TYR: variants seen among roughly 807,000 people sequenced by gnomAD.
TYR encodes the protein tyrosinase.
Under a neutral mutation model 51.5 loss-of-function variants are expected in TYR, and 58 were observed. The observed-to-expected ratio is 1.13, with a 90% confidence interval of 0.91 to 1.40. The LOEUF is 1.40. Among genes scored for constraint, TYR ranks in the 40% most tolerant of loss-of-function variants. The probability of loss-of-function intolerance (pLI) is 0.00; values close to 1 mark genes in which losing one functional copy is unlikely to be tolerated. For synonymous variants in TYR, 263 were observed against 235.2 expected, an observed-to-expected ratio of 1.12 and a Z score of -1.08; for missense variants, 732 against 647.4, an observed-to-expected ratio of 1.13 and a Z score of -1.42.
intron 2 of TYR, among the ~76,000 whole-genome samples, chr11:89,192,205 C>T (rs946888573): frequency 1.3e-5 from 2 of 152,126 alleles, no homozygotes; most frequent in African/African-American, 2.4e-5. Flanking sequence ...ATTCAAACAT[C>T]GATTCATTCT....
chr11:89,280,152 T>C (rs553577892), intron 3 of TYR, among the ~76,000 whole-genome samples: 80 of 151,722 alleles, frequency 5.3e-4, no homozygotes, highest in African/African-American at 1.9e-3. Flanking sequence ...TTTATGGCAC[T>C]AAAAGATGCT....
At chr11:89,184,113 T>C (rs539753944) in intron 1 of TYR, among the ~76,000 whole-genome samples, 97 of 152,238 alleles carry the variant, frequency 6.4e-4, no homozygotes, top group African/African-American at 2.2e-3. Context: ...CCTCCTCTCC[T>C]GTATGCAGTG....
intron 3 of TYR, among the ~76,000 whole-genome samples, chr11:89,268,692 C>G (rs2135312841): frequency 6.6e-6 from 1 of 151,888 alleles, no homozygotes; most frequent in Admixed American, 6.6e-5. Context: ...CTTATCTAAA[C>G]CACTTAGATT....
In TYR at chr11:89,295,222, G is replaced by C. The variant is rs3913543; in HGVS notation, c.1446G>C (p.Ala482=). The C allele has an allele frequency of 4.6e-5, 74 of 1,613,802 alleles. No individual in the cohort carries two copies. The highest frequency in any genetic ancestry group is 1.6e-4 in the Middle Eastern group (1 of 6,076). ...SRIWSWLLGA[A]MVGAVLTALL... ...TCTGGTCATGGCTCCTTGGGGCGGC[G>C]ATGGTAGGGGCCGTCCTCACTGCCC... is the stretch of plus-strand genomic sequence containing the variant. Residue 482 remains alanine, a synonymous_variant, in exon 5 of 5, where the codon GCG becomes GCC. Coordinates refer to ENST00000263321, the MANE Select transcript of TYR (RefSeq NM_000372.5).
At chr11:89,264,764 A>G (rs1419050614) in intron 3 of TYR, among the ~76,000 whole-genome samples, 2 of 151,210 alleles carry the variant, frequency 1.3e-5, no homozygotes, top group Admixed American at 6.6e-5. Flanking sequence ...AACAAACGAG[A>G]TCATGTCCTT....
At chr11:89,209,186 C>T (rs552625988) in intron 2 of TYR, among the ~76,000 whole-genome samples, 60 of 152,290 alleles carry the variant, frequency 3.9e-4, no homozygotes, top group African/African-American at 1.3e-3. Context: ...CTTTCCTAGC[C>T]CAAGGAAGCT....
intron 4 of TYR, among the ~76,000 whole-genome samples, chr11:89,288,182 C>T (rs560936628): frequency 9.2e-5 from 14 of 151,848 alleles, no homozygotes; most frequent in Admixed American, 5.9e-4. Context: ...GATCCTAATG[C>T]GAGAGACATC....
intron 3 of TYR, among the ~76,000 whole-genome samples, chr11:89,236,306 A>G (rs1944113188): frequency 6.6e-6 from 1 of 152,086 alleles, no homozygotes; most frequent in Admixed American, 6.6e-5. Flanking sequence ...ATTTAAAGAA[A>G]GTACTATCAT....
intron 1 of TYR, among the ~76,000 whole-genome samples, chr11:89,180,458 G>C (rs1190510030): frequency 6.6e-6 from 1 of 151,752 alleles, no homozygotes; most frequent in Non-Finnish European, 1.5e-5. Flanking sequence ...ATCCACAACT[G>C]TATGAGTATT....
chr11:89,254,155 C>T (rs1461472476), intron 3 of TYR, among the ~76,000 whole-genome samples: 1 of 151,526 alleles, frequency 6.6e-6, no homozygotes, highest in Non-Finnish European at 1.5e-5. Context: ...TAAACTATCC[C>T]TGCATCCCTG....
At position 89,286,907 on chromosome 11, in the gene TYR, T is replaced by C. The variant is rs551380757; in HGVS notation, c.1366+1953T>C. On this transcript the variant is annotated intron_variant, in intron 4 of 4. Transcript: ENST00000263321. The stretch of plus-strand genomic sequence containing the variant: ...ATTGGTAACTATTTTTCAAAGATTT[T>C]CCATTTAGGATTTTATGATTTAGTG... Among the ~76,000 whole-genome samples the C allele has an allele frequency of 1.1e-4, 16 of 151,992 alleles. No individual in the cohort carries two copies. In the South Asian group the frequency reaches 2.5e-3, roughly 24 times the overall value.
At chr11:89,269,605 T>C (rs1213620421) in intron 3 of TYR, among the ~76,000 whole-genome samples, 2 of 151,994 alleles carry the variant, frequency 1.3e-5, no homozygotes, top group Non-Finnish European at 2.9e-5. Context: ...TTTAACTGCC[T>C]TACTGATTCC....
chr11:89,192,326 CTCAA>C (rs1307267199), intron 2 of TYR, among the ~76,000 whole-genome samples: 1 of 151,594 alleles, frequency 6.6e-6, no homozygotes, highest in Non-Finnish European at 1.5e-5. Flanking sequence ...CAAAAAAAAA[CTCAA>C]TCAAGTCACA....
chr11:89,181,581 T>C (rs943028368), intron 1 of TYR, among the ~76,000 whole-genome samples: 11 of 152,182 alleles, frequency 7.2e-5, no homozygotes, highest in Admixed American at 2.0e-4. Context: ...TGATGCACCT[T>C]TCACATAAAG....
intron 3 of TYR, among the ~76,000 whole-genome samples, chr11:89,261,383 A>T (rs1233392226): frequency 1.3e-5 from 2 of 152,156 alleles, no homozygotes; most frequent in African/African-American, 4.8e-5. Flanking sequence ...ATTTTATGTA[A>T]AAAATATTCA....
chr11:89,193,587 G>A (rs913196460), intron 2 of TYR, among the ~76,000 whole-genome samples: 17 of 152,114 alleles, frequency 1.1e-4, no homozygotes, highest in African/African-American at 3.9e-4. Flanking sequence ...TCTGATAACC[G>A]AGTATGTAAA....
intron 3 of TYR, among the ~76,000 whole-genome samples, chr11:89,273,121 A>G (rs1944609767): frequency 6.6e-6 from 1 of 151,810 alleles, no homozygotes; most frequent in South Asian, 2.1e-4. Context: ...TTACACCTTG[A>G]CTGTATTTCA....
intron 3 of TYR, among the ~76,000 whole-genome samples, chr11:89,271,105 T>A (rs568030455): frequency 6.6e-6 from 1 of 151,780 alleles, no homozygotes; most frequent in South Asian, 2.1e-4. Flanking sequence ...GGAAGAAAAA[T>A]CCCAAAACAA....
chr11:89,242,945 T>C (rs4396293), intron 3 of TYR, among the ~76,000 whole-genome samples: 69,305 of 151,988 alleles, frequency 0.46, 16,967 homozygotes, highest in African/African-American at 0.65. Flanking sequence ...CACTCAATCA[T>C]GGAGCCTCTG....
Sources: gnomAD v4.1 joint callset for allele counts (sites outside exome capture counted in the v4.1 genomes callset) on GRCh38, gnomAD v4.1.1 for gene constraint, MANE v1.5 for transcripts, NCBI Gene and HGNC (gene_info 2026-07-23, HGNC 2026-07-21) for gene names.